The following RTKN2 variants were observed in gnomAD, a reference collection of about 807,000 sequenced individuals.
RTKN2 encodes rhotekin-2.
RTKN2 carries 69 observed loss-of-function variants against 71.5 expected under a neutral mutation model. The ratio of observed to expected loss-of-function variants is 0.96; its 90% CI spans 0.79 to 1.18. The LOEUF is 1.18. Among genes scored for constraint, RTKN2 ranks in the 50% most tolerant of loss-of-function variants. RTKN2 has a pLI of 0.00. For synonymous variants in RTKN2, 236 were observed against 236.5 expected (o/e 1.00, Z 0.02); for missense variants, 724 against 719.7 (o/e 1.01, Z -0.07).
At chr10:62,233,053 G>C (rs1025678638) in intron 6 of RTKN2, among the ~76,000 whole-genome samples, 1 of 152,118 alleles carries the variant, frequency 6.6e-6, no homozygotes, top group African/African-American at 2.4e-5. Flanking sequence ...TGCTGTAAAG[G>C]TGCATGAAAC....
downstream of RTKN2, among the ~76,000 whole-genome samples, chr10:62,189,694 C>A (rs938798690): frequency 1.3e-5 from 2 of 152,118 alleles, no homozygotes; most frequent in South Asian, 4.1e-4. Flanking sequence ...GGCATGGAGG[C>A]ACATGCCTGT....
intron 9 of RTKN2, among the ~76,000 whole-genome samples, chr10:62,214,251 G>A (rs1052839721): frequency 9.9e-4 from 150 of 151,938 alleles, no homozygotes; most frequent in African/African-American, 3.5e-3. Context: ...ATTTTAAAAT[G>A]CTCTTTTGTA....
intron 8 of RTKN2, among the ~76,000 whole-genome samples, chr10:62,187,769 C>T (rs1045732976): frequency 1.3e-5 from 2 of 152,162 alleles, no homozygotes; most frequent in African/African-American, 2.4e-5. Context: ...TTACAGGCTG[C>T]TTTTCTTCTT....
chr10:62,268,455 G>A (rs1274561873), intron 1 of RTKN2, 96 bp downstream of exon 1: 3 of 1,149,158 alleles, frequency 2.6e-6, no homozygotes, highest in African/African-American at 3.1e-5. Flanking sequence ...AGAGGAGCGG[G>A]GGAGAGGCTT....
In RTKN2 at chr10:62,217,152, T is replaced by C. The variant is rs1279554743; in HGVS notation, c.986A>G (p.Lys329Arg). The C allele has an allele frequency of 3.1e-6, 5 of 1,589,374 alleles. No individual in the cohort carries two copies. In the East Asian group the frequency reaches 1.1e-4, roughly 36 times the overall value. The change falls in exon 9 of 12, where the codon AAA becomes AGA. Residue 329 changes from lysine (K) to arginine (R), a missense_variant. Lys to Arg is a conservative substitution (Grantham distance 26). Transcript: ENST00000373789. ...CFYSPEEIEA[K>R]VEPALVVPIN... ...GGGTACTACCAAAGCTGGTTCCACT[T>C]TAGCTTCAATTTCCTCTGGACTGTA... is the stretch of plus-strand genomic sequence containing the variant.
rs1841291889 is a variant in RTKN2 at position 62,194,933 on chromosome 10, C to T, written c.*2975G>A. 1 of 985,224 alleles carries T rather than the reference C, an allele frequency of 1.0e-6. No individual in the cohort carries two copies. Among genetic ancestry groups the T allele is most frequent in the Admixed American group, 6.2e-5 (1 of 16,240 alleles). 61.0% of individuals were successfully genotyped at this position (985,224 alleles called of 1,614,324 possible). ...AAAAGAAGTCAGGGGGCACTGCAGA[C>T]AGTTAAGGAGGATTTAACAAAACTC... On this transcript the variant is annotated 3_prime_UTR_variant, in exon 12 of 12. Coordinates refer to ENST00000373789, the MANE Select transcript of RTKN2 (RefSeq NM_145307.4).
chr10:62,185,423 C>T (rs1018359942), intron 8 of RTKN2, among the ~76,000 whole-genome samples: 1 of 152,130 alleles, frequency 6.6e-6, no homozygotes, highest in East Asian at 1.9e-4. Context: ...CGAGACCAGC[C>T]TGGCCAAGTT....
At chr10:62,211,556 AAGAC>A (rs1364120556) in intron 9 of RTKN2, among the ~76,000 whole-genome samples, 1 of 152,246 alleles carries the variant, frequency 6.6e-6, no homozygotes, top group Non-Finnish European at 1.5e-5. Context: ...GAAAAGAAGA[AAGAC>A]AATCAAAAGA....
At chr10:62,207,370 C>T (rs1441594206) in intron 9 of RTKN2, among the ~76,000 whole-genome samples, 1 of 151,950 alleles carries the variant, frequency 6.6e-6, no homozygotes, top group Admixed American at 6.6e-5. Context: ...AAATGAAATG[C>T]AGAATTTGAA....
At chr10:62,241,913 A>C (rs886105499) in intron 3 of RTKN2, among the ~76,000 whole-genome samples, 1 of 151,856 alleles carries the variant, frequency 6.6e-6, no homozygotes, top group Non-Finnish European at 1.5e-5. Flanking sequence ...GTTAGCCAGG[A>C]TGGTCTTGAT....
downstream of RTKN2, among the ~76,000 whole-genome samples, chr10:62,188,787 G>A (rs1841174452): frequency 6.6e-6 from 1 of 150,498 alleles, no homozygotes; most frequent in Non-Finnish European, 1.5e-5. Flanking sequence ...TCCCTCTGTC[G>A]CCCAGGCTGG....
At chr10:62,268,402 C>T in intron 1 of RTKN2, 149 bp downstream of exon 1, 2 of 780,734 alleles carry the variant, frequency 2.6e-6, no homozygotes, top group Non-Finnish European at 4.4e-6. Flanking sequence ...CCCAAGAGCG[C>T]AGTCTCCTAA....
chr10:62,229,893 A>G (rs1487448886), intron 6 of RTKN2, among the ~76,000 whole-genome samples: 5 of 152,218 alleles, frequency 3.3e-5, no homozygotes, highest in Non-Finnish European at 7.3e-5. Context: ...TATGAAAAAA[A>G]TTATTGATAG....
intron 2 of RTKN2, among the ~76,000 whole-genome samples, chr10:62,253,842 T>A (rs1281539080): frequency 6.6e-6 from 1 of 151,874 alleles, no homozygotes; most frequent in Non-Finnish European, 1.5e-5. Flanking sequence ...GGAAAAAAAA[T>A]AATTGATACA....
intron 2 of RTKN2, among the ~76,000 whole-genome samples, chr10:62,254,619 C>T (rs1474797725): frequency 6.6e-6 from 1 of 152,022 alleles, no homozygotes; most frequent in Non-Finnish European, 1.5e-5. Context: ...CTGCAAAGAA[C>T]TTATTTTAAA....
intron 6 of RTKN2, among the ~76,000 whole-genome samples, chr10:62,231,225 G>A (rs1270821359): frequency 3.3e-5 from 5 of 152,080 alleles, no homozygotes; most frequent in African/African-American, 4.8e-5. Context: ...GTTTTCACAC[G>A]ATGATTGCTT....
chr10:62,189,435 T>C (rs1329999200), downstream of RTKN2, among the ~76,000 whole-genome samples: 1 of 152,214 alleles, frequency 6.6e-6, no homozygotes, highest in East Asian at 1.9e-4. Flanking sequence ...GAACAGACTG[T>C]ATTCTTTCAA....
intron 9 of RTKN2, among the ~76,000 whole-genome samples, chr10:62,211,290 T>A (rs1841653486): frequency 6.6e-6 from 1 of 152,196 alleles, no homozygotes; most frequent in Non-Finnish European, 1.5e-5. Flanking sequence ...CCTTTCAAAT[T>A]TGGATTGACA....
chr10:62,264,541 T>C (rs566496979), intron 1 of RTKN2, among the ~76,000 whole-genome samples: 2 of 152,326 alleles, frequency 1.3e-5, no homozygotes, highest in East Asian at 3.9e-4. Context: ...CATATGTCTA[T>C]AGAAATAAAC....
Sources: gnomAD v4.1 joint callset for allele counts (sites outside exome capture counted in the v4.1 genomes callset) on GRCh38, gnomAD v4.1.1 for gene constraint, MANE v1.5 for transcripts, NCBI Gene and HGNC (gene_info 2026-07-23, HGNC 2026-07-21) for gene names.